NUDCD3: variants seen among roughly 807,000 people sequenced by gnomAD.
NUDCD3 encodes the protein nudC domain-containing protein 3.
NUDCD3 carries 13 observed loss-of-function variants against 39.7 expected under a neutral mutation model. The observed-to-expected ratio is 0.33, with a 90% CI of 0.21 to 0.52. The LOEUF (loss-of-function observed/expected upper bound fraction) is 0.52, where lower values mean the gene tolerates loss of function less well. NUDCD3 is among the 20% of genes least tolerant of loss of function. The probability of loss-of-function intolerance (pLI) is 0.96; values close to 1 mark genes in which losing one functional copy is unlikely to be tolerated. For missense variants in NUDCD3, 453 were observed against 458.1 expected (o/e 0.99, Z 0.10); for synonymous variants, 175 against 172.4 (o/e 1.02, Z -0.12).
chr7:44,397,600 AT>A (rs750238648), intron 4 of NUDCD3, among the ~76,000 whole-genome samples: 14 of 151,618 alleles, frequency 9.2e-5, no homozygotes, highest in Admixed American at 5.9e-4. Context: ...TAGCCTTCTC[AT>A]TTTTTTTAAC....
intron 2 of NUDCD3, among the ~76,000 whole-genome samples, chr7:44,442,603 C>T (rs1261649514): frequency 4.6e-5 from 7 of 152,108 alleles, no homozygotes; most frequent in Non-Finnish European, 1.5e-5. Flanking sequence ...TGTCTCAGCT[C>T]ACTCATTGAA....
intron 2 of NUDCD3, among the ~76,000 whole-genome samples, chr7:44,429,095 G>A (rs1466394336): frequency 6.6e-6 from 1 of 152,192 alleles, no homozygotes; most frequent in Non-Finnish European, 1.5e-5. Context: ...TCTAAGACAA[G>A]AACATATTTA....
At chr7:44,442,712 T>A (rs1352353370) in intron 2 of NUDCD3, among the ~76,000 whole-genome samples, 1 of 150,518 alleles carries the variant, frequency 6.6e-6, no homozygotes, top group Non-Finnish European at 1.5e-5. Context: ...TTTTTTTTTT[T>A]TGAGACAGAG....
intron 2 of NUDCD3, among the ~76,000 whole-genome samples, chr7:44,436,151 C>T (rs10246651): frequency 0.14 from 20,593 of 152,020 alleles, 1,727 homozygotes; most frequent in Non-Finnish European, 0.19. Context: ...TGAATATAGA[C>T]TGGGTATTAG....
intron 2 of NUDCD3, among the ~76,000 whole-genome samples, chr7:44,454,217 T>C (rs1288221517): frequency 6.6e-6 from 1 of 152,116 alleles, no homozygotes; most frequent in Non-Finnish European, 1.5e-5. Context: ...CGGGCACCTG[T>C]AGTCCCAGCT....
chr7:44,423,697 T>C (rs1029349664), intron 3 of NUDCD3, among the ~76,000 whole-genome samples: 1 of 152,108 alleles, frequency 6.6e-6, no homozygotes, highest in African/African-American at 2.4e-5. Flanking sequence ...GAATCAATAT[T>C]GTGAAAATGG....
chr7:44,464,851 A>G (rs1338061981), intron 2 of NUDCD3, among the ~76,000 whole-genome samples: 1 of 152,184 alleles, frequency 6.6e-6, no homozygotes, highest in Admixed American at 6.5e-5. Context: ...AGATTAAGAC[A>G]CCCAACAATA....
chr7:44,412,513 G>A (rs12154896), intron 3 of NUDCD3, among the ~76,000 whole-genome samples: 19,571 of 152,272 alleles, frequency 0.13, 1,670 homozygotes, highest in Non-Finnish European at 0.19. Context: ...AACTGTAAGT[G>A]ATACAATTCA....
Position 44,386,027 on chromosome 7 carries a change from C to G in NUDCD3, c.1070G>C (p.Gly357Ala), listed in dbSNP as rs777107422. 3.9e-6 allele frequency: 6 copies of G among 1,537,570 alleles called. No homozygotes were observed. Among genetic ancestry groups the G allele is most frequent in the Non-Finnish European group, 5.4e-6 (6 of 1,110,280 alleles). ...FDPAMFNISP[G>A]AVQF ...TTCTGGTCATTAAAACTGCACAGCCCCCGGGGAGATGTTGAACATGGCAGG... is the reference window on the plus strand; with the variant it reads ...TTCTGGTCATTAAAACTGCACAGCCGCCGGGGAGATGTTGAACATGGCAGG... The change falls in exon 6 of 6, where the codon GGG (glycine) becomes GCG (alanine). Residue 357 changes from glycine (G) to alanine (A), a missense_variant. Gly to Ala is a moderately conservative substitution (Grantham distance 60). Coordinates refer to ENST00000355451, the MANE Select transcript of NUDCD3 (RefSeq NM_015332.4).
chr7:44,418,116 C>A (rs1347914445), intron 3 of NUDCD3, among the ~76,000 whole-genome samples: 2 of 152,156 alleles, frequency 1.3e-5, no homozygotes, highest in Non-Finnish European at 2.9e-5. Context: ...GAAGGAGAGA[C>A]TGCAGAGGGA....
chr7:44,486,560 T>C (rs1462336313), intron 1 of NUDCD3, among the ~76,000 whole-genome samples: 1 of 152,026 alleles, frequency 6.6e-6, no homozygotes, highest in African/African-American at 2.4e-5. Context: ...GGTTAAAAAC[T>C]GGAAACAACA....
At chr7:44,440,592 A>C (rs1487880059) in intron 2 of NUDCD3, among the ~76,000 whole-genome samples, 1 of 151,088 alleles carries the variant, frequency 6.6e-6, no homozygotes, top group African/African-American at 2.4e-5. Flanking sequence ...GTTTTCACAA[A>C]TATATCATGC....
intron 2 of NUDCD3, among the ~76,000 whole-genome samples, chr7:44,428,123 TAAAA>T (rs55642004): frequency 2.6e-5 from 2 of 76,098 alleles, no homozygotes. Flanking sequence ...GGTCAATCTT[TAAAA>T]AAAAAAAAAA....
chr7:44,387,556 A>G (rs1798421893), intron 5 of NUDCD3, among the ~76,000 whole-genome samples: 1 of 152,204 alleles, frequency 6.6e-6, no homozygotes, highest in South Asian at 2.1e-4. Context: ...ACAAGAATGG[A>G]TGACTTCAGC....
At chr7:44,458,936 CTGTGTG>C (rs55947411) in intron 2 of NUDCD3, among the ~76,000 whole-genome samples, 10,898 of 115,798 alleles carry the variant, frequency 0.094, 563 homozygotes, top group Non-Finnish European at 0.13. Flanking sequence ...ACGGGGAGTG[CTGTGTG>C]TGTGTGTGTG....
At chr7:44,412,281 C>T (rs912042844) in intron 3 of NUDCD3, among the ~76,000 whole-genome samples, 6 of 152,222 alleles carry the variant, frequency 3.9e-5, no homozygotes, top group Admixed American at 1.3e-4. Context: ...TGGTTTAAAA[C>T]CCAGAGTACT....
At chr7:44,469,115 C>CAAAAA (rs756247647) in intron 2 of NUDCD3, among the ~76,000 whole-genome samples, 3 of 32,842 alleles carry the variant, frequency 9.1e-5, no homozygotes, top group African/African-American at 1.4e-4. Context: ...ACAAACAAAC[C>CAAAAA]AAAAAAAAAA....
intron 4 of NUDCD3, among the ~76,000 whole-genome samples, chr7:44,394,741 ACACTGGGGCTGACAGCC>A (rs1798592032): frequency 6.6e-6 from 1 of 152,242 alleles, no homozygotes; most frequent in Non-Finnish European, 1.5e-5. Context: ...AAGCAGAGCT[ACACTGGGGCTGACAGCC>A]CACCATCAGC....
Position 44,446,105 on chromosome 7 carries a change from A to G in NUDCD3, c.510-18402T>C, listed in dbSNP as rs538369815. Among the ~76,000 whole-genome samples, 4 of 152,348 alleles carry G rather than the reference A, an allele frequency of 2.6e-5. No individual in the cohort carries two copies. In the East Asian group the frequency reaches 7.7e-4, roughly 29 times the overall value. Reference sequence around the variant, plus strand: ...AGTCCAAACATTATCCCCAATTGACACATGAGGCTGGACTATTCAAGTCCT... The same window carrying G: ...AGTCCAAACATTATCCCCAATTGACGCATGAGGCTGGACTATTCAAGTCCT... On this transcript the variant is annotated intron_variant, in intron 2 of 5. Coordinates refer to ENST00000355451, the MANE Select transcript of NUDCD3 (RefSeq NM_015332.4).
Sources: allele counts gnomAD v4.1 joint callset (sites outside exome capture counted in the v4.1 genomes callset), GRCh38; gene constraint gnomAD v4.1.1; transcripts MANE v1.5; gene names NCBI Gene and HGNC (gene_info 2026-07-23, HGNC 2026-07-21).